Variants in CPQ observed in about 807,000 individuals in gnomAD.
CPQ encodes Ser-Met dipeptidase.
Under a neutral mutation model 45.7 loss-of-function variants are expected in CPQ, and 37 were observed. The observed-to-expected ratio is 0.81, with a 90% CI of 0.62 to 1.07. The LOEUF (loss-of-function observed/expected upper bound fraction) is 1.07, where lower values mean the gene tolerates loss of function less well. Among genes scored for constraint, CPQ ranks in the 50% least tolerant of loss-of-function variants. CPQ has a pLI of 0.00. For synonymous variants in CPQ, 186 were observed against 205.8 expected, an observed-to-expected ratio of 0.90 and a Z score of 0.82; for missense variants, 537 against 572.9, an observed-to-expected ratio of 0.94 and a Z score of 0.64.
chr8:96,707,831 G>T (rs539267271), intron 1 of CPQ, among the ~76,000 whole-genome samples: 1 of 152,170 alleles, frequency 6.6e-6, no homozygotes, highest in East Asian at 1.9e-4. Flanking sequence ...GGGAGAATCT[G>T]TGTCCTTGCC....
intron 3 of CPQ, among the ~76,000 whole-genome samples, chr8:96,846,575 T>TTC (rs150721788): frequency 9.6e-4 from 144 of 150,348 alleles, no homozygotes; most frequent in East Asian, 4.1e-3. Context: ...CACATTTGCT[T>TTC]TCTCTCTCTC....
chr8:97,087,681 C>A lies in CPQ; in HGVS notation c.1255+21471C>A, dbSNP rs186192169. On this transcript the variant is annotated intron_variant, in intron 7 of 7. Transcript: ENST00000220763. ...TACCTCGTTCTAATCCTCAACATCA[C>A]AAATGCAAAAGACTGTCATTAGATT... 1.5e-4 allele frequency among the ~76,000 whole-genome samples: 23 copies of A among 152,238 alleles called. No individual in the cohort carries two copies. In the East Asian group the frequency reaches 4.2e-3, roughly 28 times the overall value.
At chr8:96,849,010 G>A (rs1055145861) in intron 3 of CPQ, among the ~76,000 whole-genome samples, 2 of 152,080 alleles carry the variant, frequency 1.3e-5, no homozygotes, top group Admixed American at 6.5e-5. Context: ...CTGTAGTTTT[G>A]TATGGCTTTT....
chr8:97,105,505 G>A (rs1346835408), intron 7 of CPQ, among the ~76,000 whole-genome samples: 1 of 152,096 alleles, frequency 6.6e-6, no homozygotes, highest in Admixed American at 6.6e-5. Flanking sequence ...TGGTTATTGT[G>A]AATAATGTTG....
In CPQ at chr8:97,033,551, C is replaced by T. The variant is rs548130800; in HGVS notation, c.1053+4057C>T. Among the ~76,000 whole-genome samples, 139 of 151,556 alleles carry T rather than the reference C, an allele frequency of 9.2e-4. 1 individual carries two copies. The highest frequency in any genetic ancestry group is 3.1e-3 in the African/African-American group (129 of 41,356). On this transcript the variant is annotated intron_variant, in intron 6 of 7. Coordinates refer to ENST00000220763, the MANE Select transcript of CPQ (RefSeq NM_016134.4). ...AAATATAATTTTGTAAATTTTGTTTCGAGCCTAATATTAGCCTATGTAAGT... is the reference window on the plus strand; with the variant it reads ...AAATATAATTTTGTAAATTTTGTTTTGAGCCTAATATTAGCCTATGTAAGT...
At chr8:97,073,115 T>A (rs1285047453) in intron 7 of CPQ, among the ~76,000 whole-genome samples, 1 of 152,266 alleles carries the variant, frequency 6.6e-6, no homozygotes, top group African/African-American at 2.4e-5. Context: ...TTTTAGTTTA[T>A]GTCATCTTTT....
chr8:96,836,869 C>G (rs1811537870), intron 3 of CPQ, among the ~76,000 whole-genome samples: 1 of 151,448 alleles, frequency 6.6e-6, no homozygotes. Context: ...GTAGAATTGT[C>G]CAGCAAGGGA....
intron 3 of CPQ, among the ~76,000 whole-genome samples, chr8:96,863,822 C>G (rs140197057): frequency 1.0e-3 from 152 of 152,124 alleles, no homozygotes; most frequent in African/African-American, 3.5e-3. Flanking sequence ...AATGGATGGT[C>G]TTGACTGGAA....
At chr8:97,123,019 TAAAATAA>T (rs1563587040) in intron 7 of CPQ, among the ~76,000 whole-genome samples, 2 of 17,512 alleles carry the variant, frequency 1.1e-4, no homozygotes, top group African/African-American at 4.7e-4. Context: ...TAAAATAAAA[TAAAATAA>T]ATAAAATAAA....
intron 1 of CPQ, among the ~76,000 whole-genome samples, chr8:96,740,317 C>G (rs1016730951): frequency 6.6e-6 from 1 of 152,064 alleles, no homozygotes; most frequent in Non-Finnish European, 1.5e-5. Context: ...GATTTTTTAT[C>G]CTGAGACTTT....
At position 96,734,248 on chromosome 8, in the gene CPQ, A is replaced by G. The variant is rs1809949080; in HGVS notation, c.-34-50616A>G. Among the ~76,000 whole-genome samples, 2 of 152,200 alleles carry G rather than the reference A, an allele frequency of 1.3e-5. 1 individual carries two copies. The highest frequency in any genetic ancestry group is 4.1e-4 in the South Asian group (2 of 4,832). ...TCCAGAGTACATCTGGGACCGGATC[A>G]CATTACTCCATCTCTACAATCTTCT... is the stretch of plus-strand genomic sequence containing the variant. On this transcript the variant is annotated intron_variant, in intron 1 of 7. Transcript: ENST00000220763.
chr8:97,097,677 G>A (rs999726982), intron 7 of CPQ, among the ~76,000 whole-genome samples: 4 of 152,146 alleles, frequency 2.6e-5, no homozygotes, highest in African/African-American at 9.7e-5. Flanking sequence ...GAGGGGTTTG[G>A]GGAGGAATAT....
chr8:96,902,143 C>T (rs541101265), intron 4 of CPQ, among the ~76,000 whole-genome samples: 227 of 152,114 alleles, frequency 1.5e-3, no homozygotes, highest in South Asian at 4.6e-3. Context: ...TCAGGAGGCT[C>T]CTCCCAGAAC....
In CPQ at chr8:96,956,467, G is replaced by C. The variant is rs1371193319; in HGVS notation, c.850-9468G>C. Among the ~76,000 whole-genome samples, 2 of 152,126 alleles carry C rather than the reference G, an allele frequency of 1.3e-5. 1 individual carries two copies. The highest frequency in any genetic ancestry group is 1.3e-4 in the Admixed American group (2 of 15,266). ...TGGCCCTTGATTCTTAGGAAACTAA[G>C]ATAATTCTCTTTTTCCTGCAGATGT... On this transcript the variant is annotated intron_variant, in intron 4 of 7. Coordinates refer to ENST00000220763, the MANE Select transcript of CPQ (RefSeq NM_016134.4).
intron 4 of CPQ, among the ~76,000 whole-genome samples, chr8:96,952,744 A>C (rs1305994475): frequency 6.6e-6 from 1 of 152,162 alleles, no homozygotes; most frequent in Non-Finnish European, 1.5e-5. Flanking sequence ...AAAATGAAGT[A>C]CTGTTTTACA....
At chr8:97,125,396 G>A (rs893204736) in intron 7 of CPQ, among the ~76,000 whole-genome samples, 8 of 152,102 alleles carry the variant, frequency 5.3e-5, no homozygotes, top group African/African-American at 9.7e-5. Flanking sequence ...TTTATAAGGC[G>A]TGTATGACAC....
chr8:97,070,310 G>C (rs1004837559), intron 7 of CPQ, among the ~76,000 whole-genome samples: 1 of 152,122 alleles, frequency 6.6e-6, no homozygotes, highest in Non-Finnish European at 1.5e-5. Context: ...AACCTGGCAT[G>C]TGAATTACAA....
chr8:96,882,315 C>G (rs552413414), intron 4 of CPQ, among the ~76,000 whole-genome samples: 49 of 152,302 alleles, frequency 3.2e-4, no homozygotes, highest in African/African-American at 1.2e-3. Context: ...CAAGCCCAGC[C>G]CCTTGTCCCT....
At chr8:96,944,816 A>G (rs1813167720) in intron 4 of CPQ, among the ~76,000 whole-genome samples, 1 of 152,164 alleles carries the variant, frequency 6.6e-6, no homozygotes, top group Non-Finnish European at 1.5e-5. Context: ...CAGTGTTTGC[A>G]TATTTATTCC....
Sources: gnomAD v4.1 joint callset for allele counts (sites outside exome capture counted in the v4.1 genomes callset) on GRCh38, gnomAD v4.1.1 for gene constraint, MANE v1.5 for transcripts, NCBI Gene and HGNC (gene_info 2026-07-23, HGNC 2026-07-21) for gene names.